OXSM: variants seen among roughly 807,000 people sequenced by gnomAD.
OXSM encodes the protein 3-oxoacyl-ACP synthase, mitochondrial, also known as 3-oxoacyl-[acyl-carrier-protein] synthase, mitochondrial.
OXSM carries 19 observed loss-of-function variants against 29.2 expected under a neutral mutation model. The observed-to-expected ratio is 0.65, with a 90% CI of 0.45 to 0.96. The LOEUF is 0.96. Ranked by LOEUF, OXSM falls within the 40% of genes least tolerant of loss-of-function variation. The probability of loss-of-function intolerance (pLI) is 0.00; values close to 1 mark genes in which losing one functional copy is unlikely to be tolerated. For synonymous variants in OXSM, 178 were observed against 197.1 expected, an observed-to-expected ratio of 0.90 and a Z score of 0.81; for missense variants, 554 against 551.3, an observed-to-expected ratio of 1.00 and a Z score of -0.05.
chr3:25,791,863 TGTGCTG>T lies in OXSM; in HGVS notation c.851_856del (p.Val284_Leu285del), dbSNP rs759560808. 1 of 1,613,392 alleles carries T rather than the reference TGTGCTG, an allele frequency of 6.2e-7. No individual in the cohort carries two copies. Among genetic ancestry groups the T allele is most frequent in the South Asian group, 1.1e-5 (1 of 91,086 alleles). Reference sequence around the variant, plus strand: ...GTTTTGTAATGGGAGAAGGTGCAGCTGTGCTGGTGCTGGAAGAATATGAACATGCTG... The same window carrying T: ...GTTTTGTAATGGGAGAAGGTGCAGCTGTGCTGGAAGAATATGAACATGCTG... On this transcript the variant is annotated inframe_deletion, in exon 2 of 3. Transcript: ENST00000280701.
At chr3:25,790,817 G>C (rs1708725436) in intron 1 of OXSM, 173 bp from the exon 2 acceptor site, 3 of 500,706 alleles carry the variant, frequency 6.0e-6, no homozygotes, top group Non-Finnish European at 1.1e-5. Context: ...AAAAAAGAAG[G>C]TAAGTTTAAA....
chr3:25,790,336 TTACTCCCGCCCCTGGCCTTCGTAG>T (rs1708706922), intron 1 of OXSM, 189 bp downstream of exon 1: 1 of 192,498 alleles, frequency 5.2e-6, no homozygotes, highest in African/African-American at 2.3e-5. Flanking sequence ...CTACACTCTT[TTACTCCCGCCCCTGGCCTTCGTAG>T]TACCCTTGAA....
rs1020803238 is a variant in OXSM at position 25,791,515 on chromosome 3, G to T, written c.495G>T (p.Leu165Phe). The T allele has an allele frequency of 6.2e-7, 1 of 1,614,166 alleles. No individual in the cohort carries two copies. Among genetic ancestry groups the T allele is most frequent in the African/African-American group, 1.3e-5 (1 of 75,028 alleles). ...IPLEVVSETA[L>F]NFQTKGYNKV... Reference sequence around the variant, plus strand: ...TTGAAGTTGTTTCTGAAACTGCTTTGAATTTTCAGACAAAAGGTTACAATA... The same window carrying T: ...TTGAAGTTGTTTCTGAAACTGCTTTTAATTTTCAGACAAAAGGTTACAATA... Residue 165 changes from leucine to phenylalanine, a missense_variant, in exon 2 of 3, where the codon TTG (leucine) becomes TTT (phenylalanine). By Grantham distance (22) the Leu-to-Phe change is conservative. Transcript: ENST00000280701.
Position 25,791,469 on chromosome 3 carries a change from T to C in OXSM, c.449T>C (p.Ile150Thr), listed in dbSNP as rs1035805769. Residue 150 changes from isoleucine to threonine, a missense_variant, in exon 2 of 3, where the codon ATT becomes ACT. Transcript: ENST00000280701. ...GATCAAGTGGCTACTGGTGTTGCAA[T>C]TGGCATGGGAATGATTCCTCTTGAA... ...EADQVATGVA[I>T]GMGMIPLEVV... is the part of the protein sequence containing the mutation. The C allele has an allele frequency of 1.9e-6, 3 of 1,614,108 alleles. No individual in the cohort carries two copies. The African/African-American group carries it at 4.0e-5, about 22-fold the overall frequency.
intron 1 of OXSM, 33 bp downstream of exon 1, chr3:25,790,180 C>A: frequency 2.1e-6 from 1 of 478,612 alleles, no homozygotes; most frequent in Non-Finnish European, 3.7e-6. Context: ...TTCGCCCCTC[C>A]TTTCCTCCTT....
In OXSM at chr3:25,791,248, G is replaced by T. The variant is rs1292441341; in HGVS notation, c.228G>T (p.Leu76=). Reference sequence around the variant, plus strand: ...GAGGAGAGAGTGGAATTGTTTCACTGGTTGGTGAAGAGTATAAGAGTATCC... The same window carrying T: ...GAGGAGAGAGTGGAATTGTTTCACTTGTTGGTGAAGAGTATAAGAGTATCC... ...LIGGESGIVS[L]VGEEYKSIPC... The change falls in exon 2 of 3, where the codon CTG becomes CTT. Residue 76 remains leucine (L), a synonymous_variant. Transcript: ENST00000280701. 8.1e-6 allele frequency: 13 copies of T among 1,614,198 alleles called. No homozygotes were observed. The highest frequency in any genetic ancestry group is 1.1e-5 in the Non-Finnish European group (13 of 1,180,024).
rs1159482862 is a variant in OXSM at position 25,792,007 on chromosome 3, G to T, written c.977+10G>T. 1 of 1,574,696 alleles carries T rather than the reference G, an allele frequency of 6.4e-7. No individual in the cohort carries two copies. Among genetic ancestry groups the T allele is most frequent in the South Asian group, 1.1e-5 (1 of 87,770 alleles). ...GAGAAGGTGCCTTAAGGTAAAGATG[G>T]GTTATTTCCTTCGAAATATTTCTTC... On this transcript the variant is annotated intron_variant, in intron 2 of 2. Transcript: ENST00000280701.
chr3:25,791,687 A>G lies in OXSM; in HGVS notation c.667A>G (p.Ile223Val), dbSNP rs372030404. The change falls in exon 2 of 3, where the codon ATA (isoleucine) becomes GTA (valine). Residue 223 changes from isoleucine (I) to valine (V), a missense_variant. Ile to Val is a conservative substitution (Grantham distance 29). Transcript: ENST00000280701. ...AHAVGDSFRFIAHGDADVMVA... is the reference protein window; with the variant it reads ...AHAVGDSFRFVAHGDADVMVA... ...TGCTGTGGGAGACTCATTTAGATTT[A>G]TAGCCCATGGTGATGCTGATGTGAT... 2 of 1,614,176 alleles carry G rather than the reference A, an allele frequency of 1.2e-6. No homozygotes were observed. The highest frequency in any genetic ancestry group is 8.5e-7 in the Non-Finnish European group (1 of 1,179,990).
intron 2 of OXSM, among the ~76,000 whole-genome samples, chr3:25,792,573 C>T (rs895313667): frequency 2.0e-5 from 3 of 152,118 alleles, no homozygotes; most frequent in Non-Finnish European, 4.4e-5. Context: ...AACTCCTGGG[C>T]TCAAGCAATC....
chr3:25,791,184 T>G lies in OXSM; in HGVS notation c.164T>G (p.Leu55Arg). 6.2e-7 allele frequency: 1 copy of G among 1,614,224 alleles called. No homozygotes were observed. Among genetic ancestry groups the G allele is most frequent in the Non-Finnish European group, 8.5e-7 (1 of 1,180,020 alleles). ...VITGIGLVTP[L>R]GVGTHLVWDR... ...ACAGGCATTGGCTTAGTGACTCCTC[T>G]TGGTGTTGGAACTCACCTGGTTTGG... Residue 55 changes from leucine (L) to arginine (R), a missense_variant, in exon 2 of 3, where the codon CTT becomes CGT. Transcript: ENST00000280701.
At position 25,791,910 on chromosome 3, in the gene OXSM, G is replaced by A. The variant is rs143704103; in HGVS notation, c.890G>A (p.Arg297Gln). The change falls in exon 2 of 3, where the codon CGG becomes CAG. Residue 297 changes from arginine to glutamine, a missense_variant. Arg to Gln is a conservative substitution (Grantham distance 43). Coordinates refer to ENST00000280701, the MANE Select transcript of OXSM (RefSeq NM_017897.3). ...EYEHAVQRRA[R>Q]IYAEVLGYGL... ...GAACATGCTGTTCAAAGAAGAGCCC[G>A]GATCTATGCAGAAGTTTTGGGCTAT... 31 of 1,604,598 alleles carry A rather than the reference G, an allele frequency of 1.9e-5. No homozygotes were observed. The highest frequency in any genetic ancestry group is 2.5e-5 in the Non-Finnish European group (29 of 1,179,946).
intron 2 of OXSM, among the ~76,000 whole-genome samples, chr3:25,793,119 T>C (rs999716065): frequency 1.3e-5 from 2 of 152,064 alleles, no homozygotes; most frequent in African/African-American, 2.4e-5. Context: ...TTTTATTTTA[T>C]TTGTTTTTGT....
Position 25,793,723 on chromosome 3 carries a change from C to G in OXSM, c.978-369C>G, listed in dbSNP as rs552904558. ...ATAATTCTCATAAAAAATTGCCACA[C>G]TCCAAAAATCCCTAGAACAAAAATT... On this transcript the variant is annotated intron_variant, in intron 2 of 2. Transcript: ENST00000280701. Among the ~76,000 whole-genome samples, 8 of 152,308 alleles carry G rather than the reference C, an allele frequency of 5.3e-5. No individual in the cohort carries two copies. The South Asian group carries it at 1.7e-3, about 32-fold the overall frequency.
At position 25,791,797 on chromosome 3, in the gene OXSM, T is replaced by C. The variant is rs767766137; in HGVS notation, c.777T>C (p.Asp259=). 6.2e-7 allele frequency: 1 copy of C among 1,614,080 alleles called. No homozygotes were observed. Among genetic ancestry groups the C allele is most frequent in the South Asian group, 1.1e-5 (1 of 91,088 alleles). ...CCCGGGCTCTGAGCACAAACTCAGA[T>C]CCCAAGTTGGCATGTCGACCATTTC... ...SRARALSTNS[D]PKLACRPFHP... The change falls in exon 2 of 3, where the codon GAT becomes GAC. Residue 259 remains aspartate, a synonymous_variant. Coordinates refer to ENST00000280701, the MANE Select transcript of OXSM (RefSeq NM_017897.3).
rs1215282980 is a variant in OXSM, at chr3:25,791,255, G to T, written c.235G>T (p.Glu79Ter). Residue 79 changes from glutamate to a stop codon, truncating the protein, a stop_gained, in exon 2 of 3, where the codon GAA becomes TAA. Transcript: ENST00000280701. LOFTEE classifies it high-confidence loss of function. ...GESGIVSLVG[E>*]EYKSIPCSVA... is the part of the protein sequence containing the mutation. ...GAGTGGAATTGTTTCACTGGTTGGTGAAGAGTATAAGAGTATCCCTTGCAG... is the reference window on the plus strand; with the variant it reads ...GAGTGGAATTGTTTCACTGGTTGGTTAAGAGTATAAGAGTATCCCTTGCAG... The T allele has an allele frequency of 6.2e-7, 1 of 1,614,216 alleles. No homozygotes were observed. The highest frequency in any genetic ancestry group is 1.1e-5 in the South Asian group (1 of 91,084).
Position 25,790,106 on chromosome 3 carries a change from GCCC to G in OXSM, c.-70_-68del, listed in dbSNP as rs911402949. On this transcript the variant is annotated 5_prime_UTR_variant, in exon 1 of 3. Transcript: ENST00000280701. ...TGCGCGTGCGCTCGAGAGCGTCATC[GCCC>G]CCGACTGTGGAGAAGTGTCCGGGGT... The G allele has an allele frequency of 5.1e-6, 3 of 586,528 alleles. No homozygotes were observed. Among genetic ancestry groups the G allele is most frequent in the African/African-American group, 1.9e-5 (1 of 53,460 alleles). 36.3% of individuals were successfully genotyped at this position (586,528 alleles called of 1,614,324 possible).
In OXSM at chr3:25,790,970, T is replaced by A; in HGVS notation, c.-31-20T>A. The A allele has an allele frequency of 6.4e-7, 1 of 1,555,048 alleles. No individual in the cohort carries two copies. The highest frequency in any genetic ancestry group is 2.2e-5 in the East Asian group (1 of 44,462). On this transcript the variant is annotated intron_variant, in intron 1 of 2. Transcript: ENST00000280701. ...GCTATTTAAAAGAATACCTCCTAGG[T>A]GTGTTGTGGTCTTTTACAGGAATGT...
At chr3:25,792,110 T>C in intron 2 of OXSM, 113 bp downstream of exon 2, 4 of 897,418 alleles carry the variant, frequency 4.5e-6, no homozygotes, top group Non-Finnish European at 6.8e-6. Flanking sequence ...CTCTGTTGTT[T>C]TTCTTTTTTA....
rs1257253221 is a variant in OXSM at position 25,794,499 on chromosome 3, T to C, written c.*5T>C. 5.8e-6 allele frequency: 9 copies of C among 1,558,396 alleles called. No homozygotes were observed. The highest frequency in any genetic ancestry group is 1.4e-5 in the African/African-American group (1 of 72,660). On this transcript the variant is annotated 3_prime_UTR_variant, in exon 3 of 3. Transcript: ENST00000280701. ...CTTTGTATTGCTGGACTGTAGAACATATAATTTGTAATTAAATACTGATTT... is the reference window on the plus strand; with the variant it reads ...CTTTGTATTGCTGGACTGTAGAACACATAATTTGTAATTAAATACTGATTT...
Sources: gnomAD v4.1 joint callset for allele counts (sites outside exome capture counted in the v4.1 genomes callset) on GRCh38, gnomAD v4.1.1 for gene constraint, MANE v1.5 for transcripts, NCBI Gene and HGNC (gene_info 2026-07-23, HGNC 2026-07-21) for gene names.